The following TSHZ1 variants were observed in gnomAD, a reference collection of about 807,000 sequenced individuals.
TSHZ1 encodes teashirt homolog 1.
Under a neutral mutation model 67.1 loss-of-function variants are expected in TSHZ1, and 12 were observed. The observed-to-expected ratio is 0.18, with a 90% CI of 0.11 to 0.29. TSHZ1 has a LOEUF of 0.29. Among genes scored for constraint, TSHZ1 ranks in the 10% least tolerant of loss-of-function variants. TSHZ1 has a pLI of 1.00. For missense variants in TSHZ1, 1,305 were observed against 1,413.9 expected (o/e 0.92, Z 1.23); for synonymous variants, 632 against 622.4 (o/e 1.02, Z -0.23).
chr18:75,212,650 C>A (rs2022714348), intron 1 of TSHZ1, among the ~76,000 whole-genome samples: 1 of 152,176 alleles, frequency 6.6e-6, no homozygotes, highest in African/African-American at 2.4e-5. Flanking sequence ...AATCACTCAC[C>A]ATGGAAACAC....
intron 1 of TSHZ1, among the ~76,000 whole-genome samples, chr18:75,236,435 T>C (rs1434932763): frequency 6.6e-6 from 1 of 152,200 alleles, no homozygotes; most frequent in African/African-American, 2.4e-5. Flanking sequence ...TATCCCAAAG[T>C]CACATTGGCA....
rs149872994 is a variant in TSHZ1 at position 75,285,757 on chromosome 18, A to C, written c.350A>C (p.Lys117Thr). The C allele has an allele frequency of 6.2e-7, 1 of 1,613,976 alleles. No individual in the cohort carries two copies. Among genetic ancestry groups the C allele is most frequent in the African/African-American group, 1.3e-5 (1 of 74,890 alleles). ...CCCCAGGACAGCCTGGCACAGATCA[A>C]AGCTGTGTATGCAAACTTGTTCTCC... ...SYPQDSLAQI[K>T]AVYANLFSES... is the part of the protein sequence containing the mutation. The change falls in exon 2 of 2, where the codon AAA becomes ACA. Residue 117 changes from lysine to threonine, a missense_variant. By Grantham distance (78) the Lys-to-Thr change is moderately conservative. This residue lies in a region of TSHZ1 where 358 missense variants were observed against 375.6 expected (regional missense o/e 0.95). Transcript: ENST00000580243.
rs4891256 is a variant in TSHZ1 at position 75,281,185 on chromosome 18, C to T, written c.41-4263C>T. Reference sequence around the variant, plus strand: ...GGAGTGGAGCGAGGTCATCTGGGGACGTTGGAAGGCTCTGGCCACAGCTGG... The same window carrying T: ...GGAGTGGAGCGAGGTCATCTGGGGATGTTGGAAGGCTCTGGCCACAGCTGG... On this transcript the variant is annotated intron_variant, in intron 1 of 1. Coordinates refer to ENST00000580243, the MANE Select transcript of TSHZ1 (RefSeq NM_001308210.2). This position sits in a 1 kb window ranked among gnomAD's most constrained non-coding sequence, Gnocchi z 5.3. 0.18 allele frequency among the ~76,000 whole-genome samples: 26,669 copies of T among 152,078 alleles called. 2,776 individuals carry two copies. Among genetic ancestry groups the T allele is most frequent in the Admixed American group, 0.24 (3,659 of 15,288 alleles).
chr18:75,285,916 C>T lies in TSHZ1; in HGVS notation c.509C>T (p.Pro170Leu), dbSNP rs1290693420. The stretch of plus-strand genomic sequence containing the variant: ...ACCTGCCCCGTCAGCACCACTGGCC[C>T]CACCACGAGCACGCCCAGCACCAGC... ...PPTCPVSTTG[P>L]TTSTPSTSCS... The change falls in exon 2 of 2, where the codon CCC becomes CTC. Residue 170 changes from proline (P) to leucine (L), a missense_variant. Physicochemically the swap from Pro to Leu is moderately conservative, Grantham distance 98. Coordinates refer to ENST00000580243, the MANE Select transcript of TSHZ1 (RefSeq NM_001308210.2). The T allele has an allele frequency of 1.3e-6, 2 of 1,543,080 alleles. No homozygotes were observed. Among genetic ancestry groups the T allele is most frequent in the South Asian group, 1.2e-5 (1 of 83,864 alleles).
Position 75,287,063 on chromosome 18 carries a change from C to G in TSHZ1, c.1656C>G (p.Leu552=), listed in dbSNP as rs1457476975. 6.2e-7 allele frequency: 1 copy of G among 1,614,118 alleles called. No individual in the cohort carries two copies. The highest frequency in any genetic ancestry group is 8.5e-7 in the Non-Finnish European group (1 of 1,180,038). The change falls in exon 2 of 2, where the codon CTC becomes CTG. Residue 552 remains leucine, a synonymous_variant. Coordinates refer to ENST00000580243, the MANE Select transcript of TSHZ1 (RefSeq NM_001308210.2). This position sits in a 1 kb window ranked among gnomAD's most constrained non-coding sequence, Gnocchi z 5.0. ...DDSPKGGLDI[L]KSLENTVSTA... is the part of the protein sequence containing the mutation. ...GCCCCAAGGGAGGGCTGGACATTCT[C>G]AAGTCCCTGGAGAATACCGTCTCCA...
intron 1 of TSHZ1, among the ~76,000 whole-genome samples, chr18:75,225,596 G>A (rs1193324329): frequency 2.6e-5 from 4 of 152,272 alleles, no homozygotes; most frequent in Admixed American, 1.3e-4. Context: ...AAATCAACTC[G>A]TCATCAAGTA....
At chr18:75,241,416 T>C (rs906847019) in intron 1 of TSHZ1, among the ~76,000 whole-genome samples, 1 of 152,174 alleles carries the variant, frequency 6.6e-6, no homozygotes, top group East Asian at 1.9e-4. Flanking sequence ...GGTGGCTACT[T>C]GCTGCATCGC....
intron 1 of TSHZ1, among the ~76,000 whole-genome samples, chr18:75,279,652 G>T (rs1398263768): frequency 6.6e-6 from 1 of 152,246 alleles, no homozygotes; most frequent in South Asian, 2.1e-4. Flanking sequence ...CTCTCTGGCA[G>T]TGCGGGGCAG....
At chr18:75,230,852 C>T (rs7240600) in intron 1 of TSHZ1, among the ~76,000 whole-genome samples, 6 of 152,058 alleles carry the variant, frequency 3.9e-5, no homozygotes, top group East Asian at 1.9e-4. Context: ...ACTCTTCCAA[C>T]GCTGTATTTT....
At chr18:75,229,939 C>A (rs1161116732) in intron 1 of TSHZ1, among the ~76,000 whole-genome samples, 1 of 152,172 alleles carries the variant, frequency 6.6e-6, no homozygotes, top group Non-Finnish European at 1.5e-5. Flanking sequence ...ATCTGTTCAT[C>A]ATTATACATC....
chr18:75,258,867 G>A (rs1383199530), intron 1 of TSHZ1, among the ~76,000 whole-genome samples: 1 of 152,110 alleles, frequency 6.6e-6, no homozygotes, highest in African/African-American at 2.4e-5. Context: ...TGATGTTATT[G>A]CCAGCTGCCA....
At chr18:75,236,180 G>T (rs1011303756) in intron 1 of TSHZ1, among the ~76,000 whole-genome samples, 1 of 152,160 alleles carries the variant, frequency 6.6e-6, no homozygotes, top group Non-Finnish European at 1.5e-5. Flanking sequence ...GTGCCTAAGG[G>T]TGCTGGGGCC....
intron 1 of TSHZ1, among the ~76,000 whole-genome samples, chr18:75,225,218 A>G (rs1168554583): frequency 1.3e-5 from 2 of 152,206 alleles, no homozygotes; most frequent in Non-Finnish European, 2.9e-5. Flanking sequence ...ACAGGCCTCT[A>G]GGAAATGCTT....
chr18:75,212,130 G>A (rs1440550420), intron 1 of TSHZ1, among the ~76,000 whole-genome samples: 3 of 152,150 alleles, frequency 2.0e-5, no homozygotes, highest in African/African-American at 7.2e-5. Context: ...GAGAAAGTTC[G>A]CGGTGCTTCT....
chr18:75,234,564 G>A (rs2023042434), intron 1 of TSHZ1, among the ~76,000 whole-genome samples: 1 of 151,924 alleles, frequency 6.6e-6, no homozygotes, highest in Non-Finnish European at 1.5e-5. Flanking sequence ...CTTTGCTAGG[G>A]CTTCTGCATG....
At chr18:75,216,332 T>C (rs2022767255) in intron 1 of TSHZ1, among the ~76,000 whole-genome samples, 1 of 152,196 alleles carries the variant, frequency 6.6e-6, no homozygotes, top group Non-Finnish European at 1.5e-5. Context: ...AAATTACTCT[T>C]TAAAAAAATG....
chr18:75,286,692 C>G lies in TSHZ1; in HGVS notation c.1285C>G (p.Gln429Glu). 1 of 1,614,124 alleles carries G rather than the reference C, an allele frequency of 6.2e-7. No individual in the cohort carries two copies. Among genetic ancestry groups the G allele is most frequent in the East Asian group, 2.2e-5 (1 of 44,874 alleles). ...GTGTGGCAGCTCCCACGACACGCTGCAGCAGCTCACCGCCCACATGATGGT... is the reference window on the plus strand; with the variant it reads ...GTGTGGCAGCTCCCACGACACGCTGGAGCAGCTCACCGCCCACATGATGGT... Reference protein sequence around the residue: ...MECGSSHDTLQQLTAHMMVTG... With the variant: ...MECGSSHDTLEQLTAHMMVTG... Residue 429 changes from glutamine to glutamate, a missense_variant, in exon 2 of 2, where the codon CAG becomes GAG. Coordinates refer to ENST00000580243, the MANE Select transcript of TSHZ1 (RefSeq NM_001308210.2). This position sits in a 1 kb window ranked among gnomAD's most constrained non-coding sequence, Gnocchi z 5.1.
chr18:75,259,940 G>T (rs539141216), intron 1 of TSHZ1, among the ~76,000 whole-genome samples: 1 of 152,306 alleles, frequency 6.6e-6, no homozygotes, highest in South Asian at 2.1e-4. Flanking sequence ...AACCCCTCTG[G>T]ATAGATAACG....
rs201310318 is a variant in TSHZ1 at position 75,286,095 on chromosome 18, C to G, written c.688C>G (p.Arg230Gly). 6.2e-7 allele frequency: 1 copy of G among 1,611,900 alleles called. No homozygotes were observed. The highest frequency in any genetic ancestry group is 1.3e-5 in the African/African-American group (1 of 74,970). ...PSLFSTVQLY[R>G]QNNKLYGSVF... ...CCTGTTCAGCACCGTGCAGCTCTAC[C>G]GCCAGAACAACAAGCTCTACGGCTC... is the stretch of plus-strand genomic sequence containing the variant. The change falls in exon 2 of 2, where the codon CGC becomes GGC. Residue 230 changes from arginine (R) to glycine (G), a missense_variant. Arg to Gly is a moderately radical substitution (Grantham distance 125). Around this residue, in one of 3 missense-constraint regions of TSHZ1, gnomAD observed 358 missense variants for 375.6 expected, o/e 0.95. Transcript: ENST00000580243. This position sits in a 1 kb window ranked among gnomAD's most constrained non-coding sequence, Gnocchi z 5.1.
Sources: allele counts gnomAD v4.1 joint callset (sites outside exome capture counted in the v4.1 genomes callset), GRCh38; gene constraint gnomAD v4.1.1; regional missense constraint gnomAD v4.1.1; non-coding constraint Gnocchi (gnomAD v3.1); transcripts MANE v1.5; gene names NCBI Gene and HGNC (gene_info 2026-07-23, HGNC 2026-07-21).